ENOX1: variants seen among roughly 807,000 people sequenced by gnomAD.
ENOX1 encodes candidate growth-related and time keeping constitutive hydroquinone (NADH) oxidase.
ENOX1 carries 42 observed loss-of-function variants against 82.5 expected under a neutral mutation model. The observed-to-expected ratio is 0.51, with a 90% CI of 0.40 to 0.66. ENOX1 has a LOEUF of 0.66. Ranked by LOEUF, ENOX1 falls within the 30% of genes least tolerant of loss-of-function variation. The pLI is 0.00. For missense variants in ENOX1, 608 were observed against 811.6 expected (o/e 0.75, Z 3.05); for synonymous variants, 271 against 282.2 (o/e 0.96, Z 0.40).
chr13:43,702,814 G>T (rs7324830), intron 1 of ENOX1, among the ~76,000 whole-genome samples: 14,543 of 151,798 alleles, frequency 0.096, 1,150 homozygotes, highest in East Asian at 0.28. Flanking sequence ...TTAGCTGAGC[G>T]TGGTGGCAGG....
At chr13:43,717,162 C>T (rs1157066736) in intron 1 of ENOX1, among the ~76,000 whole-genome samples, 7 of 152,104 alleles carry the variant, frequency 4.6e-5, no homozygotes, top group Non-Finnish European at 1.0e-4. Context: ...CTACAGTTAC[C>T]CAAACAGCAC....
At chr13:43,529,752 C>T (rs12869316) in intron 2 of ENOX1, among the ~76,000 whole-genome samples, 1,761 of 152,186 alleles carry the variant, frequency 0.012, 16 homozygotes, top group Middle Eastern at 0.017. Flanking sequence ...GGGGGCACTA[C>T]TGTATTCCCA....
intron 1 of ENOX1, among the ~76,000 whole-genome samples, chr13:43,676,093 T>C (rs996830911): frequency 6.6e-6 from 1 of 152,142 alleles, no homozygotes; most frequent in Non-Finnish European, 1.5e-5. Flanking sequence ...CAGGTGGAGA[T>C]TCCTCATGAA....
At chr13:43,461,547 T>C (rs1174489247) in intron 3 of ENOX1, among the ~76,000 whole-genome samples, 3 of 152,208 alleles carry the variant, frequency 2.0e-5, no homozygotes, top group African/African-American at 7.2e-5. Context: ...AAGTAGAATA[T>C]ATGAAAGGTG....
intron 2 of ENOX1, among the ~76,000 whole-genome samples, chr13:43,657,536 T>G (rs892408521): frequency 1.3e-5 from 2 of 152,228 alleles, no homozygotes; most frequent in Non-Finnish European, 2.9e-5. Context: ...GAAACATCCA[T>G]GGACACCCAT....
Position 43,359,875 on chromosome 13 carries a change from C to A in ENOX1, c.565G>T (p.Val189Phe). ...CCAGAAAGGTAAATGGCTTTATCAA[C>A]CATGAATTCCTCTGCAAAGCGAATG... The part of the protein sequence containing the change: ...CHIRFAEEFM[V>F]DKAIYLSGYR... Residue 189 changes from valine to phenylalanine, a missense_variant, in exon 7 of 17, where the codon GTT becomes TTT. Coordinates refer to ENST00000690772, the MANE Select transcript of ENOX1 (RefSeq NM_001347969.2). The A allele has an allele frequency of 6.2e-7, 1 of 1,614,192 alleles. No homozygotes were observed. Among genetic ancestry groups the A allele is most frequent in the Non-Finnish European group, 8.5e-7 (1 of 1,180,010 alleles).
chr13:43,443,279 A>G (rs997942601), intron 3 of ENOX1, among the ~76,000 whole-genome samples: 2 of 152,226 alleles, frequency 1.3e-5, no homozygotes, highest in African/African-American at 4.8e-5. Flanking sequence ...CAATGTTCCC[A>G]TATACATAGT....
At chr13:43,224,192 G>A in intron 15 of ENOX1, 54 bp from the exon 16 acceptor site, 2 of 1,406,074 alleles carry the variant, frequency 1.4e-6, no homozygotes, top group Non-Finnish European at 2.0e-6. Flanking sequence ...GAGAGTCTCT[G>A]GTTAAATAAT....
intron 2 of ENOX1, among the ~76,000 whole-genome samples, chr13:43,573,520 CATT>C (rs1342674741): frequency 6.6e-6 from 1 of 152,154 alleles, no homozygotes; most frequent in Non-Finnish European, 1.5e-5. Flanking sequence ...GAGGGCGTGA[CATT>C]AGCATGAATA....
intron 1 of ENOX1, among the ~76,000 whole-genome samples, chr13:43,721,089 A>G (rs1322549324): frequency 6.6e-6 from 1 of 152,188 alleles, no homozygotes; most frequent in African/African-American, 2.4e-5. Flanking sequence ...TGGTGGGTAG[A>G]ATGTGCACAT....
intron 5 of ENOX1, among the ~76,000 whole-genome samples, chr13:43,390,439 A>G (rs2052704027): frequency 6.6e-6 from 1 of 152,150 alleles, no homozygotes; most frequent in African/African-American, 2.4e-5. Context: ...TTTGGCAAGT[A>G]CAAGACTGTG....
At chr13:43,301,588 A>G (rs1185418356) in intron 11 of ENOX1, among the ~76,000 whole-genome samples, 2 of 151,946 alleles carry the variant, frequency 1.3e-5, no homozygotes, top group Non-Finnish European at 2.9e-5. Flanking sequence ...CCACCAAAAA[A>G]AAAAAAAAAA....
chr13:43,441,667 C>T (rs2056363839), intron 3 of ENOX1, among the ~76,000 whole-genome samples: 1 of 150,098 alleles, frequency 6.7e-6, no homozygotes, highest in African/African-American at 2.5e-5. Context: ...TGCCCGAAGG[C>T]GGCACTGCGG....
At chr13:43,373,561 T>C (rs2051391811) in intron 5 of ENOX1, among the ~76,000 whole-genome samples, 1 of 152,212 alleles carries the variant, frequency 6.6e-6, no homozygotes, top group Admixed American at 6.5e-5. Context: ...ATGTCTATTT[T>C]GAGCTTTTTT....
chr13:43,549,460 G>A (rs528317355), intron 2 of ENOX1, among the ~76,000 whole-genome samples: 92 of 152,222 alleles, frequency 6.0e-4, no homozygotes, highest in African/African-American at 2.1e-3. Flanking sequence ...ACAAAAAAAC[G>A]AGTAAAATAA....
intron 1 of ENOX1, among the ~76,000 whole-genome samples, chr13:43,689,532 T>C (rs529677663): frequency 6.6e-6 from 1 of 152,188 alleles, no homozygotes. Context: ...ATAAGCCAAA[T>C]TGGATTTAAG....
At chr13:43,352,194 A>G (rs1594095267) in intron 8 of ENOX1, among the ~76,000 whole-genome samples, 1 of 152,228 alleles carries the variant, frequency 6.6e-6, no homozygotes, top group East Asian at 1.9e-4. Flanking sequence ...TGTTGATCCC[A>G]GGAGGATGGT....
intron 2 of ENOX1, among the ~76,000 whole-genome samples, chr13:43,533,944 A>C (rs1453707642): frequency 6.6e-6 from 1 of 152,154 alleles, no homozygotes; most frequent in Non-Finnish European, 1.5e-5. Context: ...ATGACAGTAC[A>C]GCCATGTAAG....
At chr13:43,630,645 C>T (rs1189481515) in intron 2 of ENOX1, among the ~76,000 whole-genome samples, 4 of 149,362 alleles carry the variant, frequency 2.7e-5, no homozygotes, top group Non-Finnish European at 1.5e-5. Context: ...TATACTGCAA[C>T]TTCTCAAACT....
Sources: allele counts gnomAD v4.1 joint callset (sites outside exome capture counted in the v4.1 genomes callset), GRCh38; gene constraint gnomAD v4.1.1; transcripts MANE v1.5; gene names NCBI Gene and HGNC (gene_info 2026-07-23, HGNC 2026-07-21).